FOLR3: variants seen among roughly 807,000 people sequenced by gnomAD.
The protein encoded by FOLR3 is folate receptor 3 (gamma).
FOLR3 carries 9 observed loss-of-function variants against 20.0 expected under a neutral mutation model. The ratio of observed to expected loss-of-function variants is 0.45; its 90% CI spans 0.27 to 0.79. The LOEUF is 0.79. Ranked by LOEUF, FOLR3 falls within the 30% of genes least tolerant of loss-of-function variation. The probability of loss-of-function intolerance (pLI) is 0.15; values close to 1 mark genes in which losing one functional copy is unlikely to be tolerated. For synonymous variants in FOLR3, 124 were observed against 115.5 expected, an observed-to-expected ratio of 1.07 and a Z score of -0.47; for missense variants, 309 against 323.5, an observed-to-expected ratio of 0.96 and a Z score of 0.34.
intron 3 of FOLR3, 39 bp downstream of exon 3, chr11:72,139,188 G>A (rs1401906880): frequency 1.3e-6 from 2 of 1,586,606 alleles, no homozygotes; most frequent in East Asian, 2.2e-5. Flanking sequence ...CCTCAGCAGA[G>A]GGCGGAGCCT....
At chr11:72,138,162 T>A (rs757586891) in intron 2 of FOLR3, among the ~76,000 whole-genome samples, 1 of 151,686 alleles carries the variant, frequency 6.6e-6, no homozygotes, top group Non-Finnish European at 1.5e-5. Context: ...AGGTCAGGAG[T>A]TCGAGACCAG....
chr11:72,136,261 G>GTGGCCTTACCTGTGGCAT, intron 2 of FOLR3, 141 bp downstream of exon 2: 1 of 956,902 alleles, frequency 1.0e-6, no homozygotes, highest in South Asian at 1.5e-5. Flanking sequence ...CCATGCCACA[G>GTGGCCTTACCTGTGGCAT]GTAAGGCCAC....
Position 72,135,758 on chromosome 11 carries a change from C to T in FOLR3, c.-17C>T. 3.2e-6 allele frequency: 2 copies of T among 630,264 alleles called. No homozygotes were observed. Among genetic ancestry groups the T allele is most frequent in the Admixed American group, 2.8e-5 (1 of 35,904 alleles). The allele number at this position is 630,264 out of a possible 1,614,324, so 39.0% of individuals were successfully genotyped here. ...GACCTACAGCGCTGTTGGTGGAGGT[C>T]CTGCCTCCAGGTAGGGGAAGGGCTC... is the stretch of plus-strand genomic sequence containing the variant. On this transcript the variant is annotated 5_prime_UTR_variant, in exon 1 of 5. Coordinates refer to ENST00000611028, the MANE Select transcript of FOLR3 (RefSeq NM_000804.4).
intron 2 of FOLR3, chr11:72,138,725 TCA>T (rs1947771641): frequency 1.8e-6 from 1 of 564,224 alleles, no homozygotes; most frequent in South Asian, 2.0e-5. Context: ...TGAGCTATGA[TCA>T]CACCACTGCG....
intron 2 of FOLR3, among the ~76,000 whole-genome samples, chr11:72,136,626 C>A (rs1320381610): frequency 6.6e-6 from 1 of 152,166 alleles, no homozygotes. Flanking sequence ...ACCATCACCA[C>A]CATCCATCTC....
chr11:72,139,635 A>G lies in FOLR3; in HGVS notation c.542A>G (p.Tyr181Cys), dbSNP rs752197295. 10 of 1,613,438 alleles carry G rather than the reference A, an allele frequency of 6.2e-6. No homozygotes were observed. Among genetic ancestry groups the G allele is most frequent in the Non-Finnish European group, 8.5e-6 (10 of 1,179,856 alleles). The change falls in exon 5 of 5, where the codon TAC becomes TGC. Residue 181 changes from tyrosine (Y) to cysteine (C), a missense_variant. Coordinates refer to ENST00000611028, the MANE Select transcript of FOLR3 (RefSeq NM_000804.4). ...AGALCSTFESYFPTPAALCEG... is the reference protein window; with the variant it reads ...AGALCSTFESCFPTPAALCEG... ...GCCCTCTGCAGCACCTTTGAGTCCTACTTCCCCACTCCAGCCGCCCTTTGT... is the reference window on the plus strand; with the variant it reads ...GCCCTCTGCAGCACCTTTGAGTCCTGCTTCCCCACTCCAGCCGCCCTTTGT...
intron 2 of FOLR3, 102 bp downstream of exon 2, chr11:72,136,222 A>C: frequency 7.0e-7 from 1 of 1,434,912 alleles, no homozygotes; most frequent in Non-Finnish European, 9.7e-7. Flanking sequence ...GCCGCTGCTG[A>C]CAAGGAAGGG....
At chr11:72,139,556 A>G in intron 4 of FOLR3, 31 bp from the exon 5 acceptor site, 2 of 1,613,254 alleles carry the variant, frequency 1.2e-6, no homozygotes, top group Non-Finnish European at 1.7e-6. Flanking sequence ...TCTGGCCCAG[A>G]AGCTAAGGGT....
rs764078655 is a variant in FOLR3, at chr11:72,139,648, A to G, written c.555A>G (p.Pro185=). ...CSTFESYFPT[P]AALCEGLWSH... is the part of the protein sequence containing the mutation. ...CCTTTGAGTCCTACTTCCCCACTCC[A>G]GCCGCCCTTTGTGAAGGCCTCTGGA... The change falls in exon 5 of 5, where the codon CCA becomes CCG. Residue 185 remains proline (P), a synonymous_variant. Transcript: ENST00000611028. The G allele has an allele frequency of 3.1e-6, 5 of 1,613,504 alleles. No homozygotes were observed. The South Asian group carries it at 5.5e-5, about 18-fold the overall frequency.
intron 2 of FOLR3, 139 bp downstream of exon 2, chr11:72,136,259 C>A (rs1947741409): frequency 3.2e-6 from 3 of 951,014 alleles, no homozygotes; most frequent in African/African-American, 1.6e-5. Context: ...CACCATGCCA[C>A]AGGTAAGGCC....
chr11:72,139,606 CG>C lies in FOLR3; in HGVS notation c.517del (p.Ala173ProfsTer61), dbSNP rs1231432460. The C allele has an allele frequency of 1.2e-6, 2 of 1,613,728 alleles. No homozygotes were observed. The highest frequency in any genetic ancestry group is 1.7e-6 in the Non-Finnish European group (2 of 1,179,900). On this transcript the variant is annotated frameshift_variant, in exon 5 of 5. Coordinates refer to ENST00000611028, the MANE Select transcript of FOLR3 (RefSeq NM_000804.4). LOFTEE classifies it low-confidence loss of function (END_TRUNC). ...WTSGINECPA[G>X]ALCSTFESYF... is the part of the protein sequence containing the mutation. ...CCTCAGGGATTAATGAGTGTCCGGC[CG>C]GGGCCCTCTGCAGCACCTTTGAGTC...
At chr11:72,136,661 T>C (rs918568979) in intron 2 of FOLR3, among the ~76,000 whole-genome samples, 5 of 152,188 alleles carry the variant, frequency 3.3e-5, no homozygotes, top group Non-Finnish European at 5.9e-5. Context: ...TCTCCAAAAC[T>C]GAAATGGAAA....
intron 2 of FOLR3, among the ~76,000 whole-genome samples, chr11:72,137,072 C>T (rs961754080): frequency 1.3e-5 from 2 of 152,204 alleles, no homozygotes; most frequent in Admixed American, 1.3e-4. Flanking sequence ...GTAGGTCTGG[C>T]TCCCCTCCCA....
Position 72,136,069 on chromosome 11 carries a change from C to A in FOLR3, c.117C>A (p.Asn39Lys). ...CGGACCTGCTCAATGTCTGCATGAA[C>A]GCCAAGCACCACAAGACACAGCCCA... is the stretch of plus-strand genomic sequence containing the variant. ...ARTDLLNVCMNAKHHKTQPSP... is the reference protein window; with the variant it reads ...ARTDLLNVCMKAKHHKTQPSP... Residue 39 changes from asparagine (N) to lysine (K), a missense_variant, in exon 2 of 5, where the codon AAC (asparagine) becomes AAA (lysine). Physicochemically the swap from Asn to Lys is moderately conservative, Grantham distance 94 (BLOSUM62 0). Transcript: ENST00000611028. 6.2e-7 allele frequency: 1 copy of A among 1,614,054 alleles called. No individual in the cohort carries two copies.
chr11:72,138,540 T>C (rs1947769253), intron 2 of FOLR3, among the ~76,000 whole-genome samples: 1 of 151,826 alleles, frequency 6.6e-6, no homozygotes, highest in Admixed American at 6.6e-5. Context: ...AATCTTAGTA[T>C]TTTGGGAAGC....
chr11:72,139,199 G>C (rs1232870932), intron 3 of FOLR3, 50 bp downstream of exon 3: 1 of 1,576,706 alleles, frequency 6.3e-7, no homozygotes, highest in Non-Finnish European at 8.6e-7. Context: ...GGCGGAGCCT[G>C]CCAGTTGCTG....
intron 2 of FOLR3, 76 bp downstream of exon 2, chr11:72,136,196 G>A (rs1036050649): frequency 6.4e-7 from 1 of 1,551,756 alleles, no homozygotes; most frequent in Non-Finnish European, 8.8e-7. Context: ...GGTCCAGTGT[G>A]GTCAGAACCA....
In FOLR3 at chr11:72,139,075, A is replaced by G. The variant is rs770479039; in HGVS notation, c.283A>G (p.Thr95Ala). 4.6e-5 allele frequency: 74 copies of G among 1,610,108 alleles called. No homozygotes were observed. The highest frequency in any genetic ancestry group is 6.1e-5 in the Non-Finnish European group (72 of 1,179,106). ...GGATCACTGTGGTAAGATGGAACCCACCTGCAAGCGCCACTTTATCCAGGA... is the reference window on the plus strand; with the variant it reads ...GGATCACTGTGGTAAGATGGAACCCGCCTGCAAGCGCCACTTTATCCAGGA... ...NWDHCGKMEP[T>A]CKRHFIQDSC... The change falls in exon 3 of 5, where the codon ACC becomes GCC. Residue 95 changes from threonine to alanine, a missense_variant. Physicochemically the swap from Thr to Ala is moderately conservative, Grantham distance 58. Coordinates refer to ENST00000611028, the MANE Select transcript of FOLR3 (RefSeq NM_000804.4).
intron 2 of FOLR3, among the ~76,000 whole-genome samples, chr11:72,137,632 C>T (rs975968935): frequency 6.6e-6 from 1 of 152,010 alleles, no homozygotes; most frequent in African/African-American, 2.4e-5. Flanking sequence ...GCTGGGATTA[C>T]AGGCGCCTAC....
Sources: allele counts gnomAD v4.1 joint callset (sites outside exome capture counted in the v4.1 genomes callset), GRCh38; gene constraint gnomAD v4.1.1; transcripts MANE v1.5; gene names NCBI Gene and HGNC (gene_info 2026-07-23, HGNC 2026-07-21).